AGAP1: variants seen among roughly 807,000 people sequenced by gnomAD.
AGAP1 encodes the protein ArfGAP with GTPase domain, ankyrin repeat and PH domain 1.
In AGAP1, 29 loss-of-function variants were observed where a neutral mutation model predicts 105.3. That is an observed-to-expected ratio of 0.28 (90% CI 0.21 to 0.38). The LOEUF is 0.38. AGAP1 is among the 10% of genes least tolerant of loss of function. AGAP1 has a pLI of 1.00. For synonymous variants in AGAP1, 509 were observed against 485.9 expected, an observed-to-expected ratio of 1.05 and a Z score of -0.63; for missense variants, 998 against 1,165.1, an observed-to-expected ratio of 0.86 and a Z score of 2.09.
Position 235,620,278 on chromosome 2 carries a change from T to A in AGAP1, c.164-88901T>A, listed in dbSNP as rs1474352270. Among the ~76,000 whole-genome samples, 1 of 152,122 alleles carries A rather than the reference T, an allele frequency of 6.6e-6. No homozygotes were observed. The stretch of plus-strand genomic sequence containing the variant: ...CCTGGTCCCGGGCAGCAGCGTTGCT[T>A]GGCGGATTACTGCTCACCTCTTCAA... On this transcript the variant is annotated intron_variant, in intron 1 of 17. Transcript: ENST00000304032. The surrounding 1 kb of genome is among the most constrained non-coding windows in gnomAD (Gnocchi z 4.5).
chr2:235,862,497 T>G (rs1243389648), intron 9 of AGAP1, among the ~76,000 whole-genome samples: 2 of 152,050 alleles, frequency 1.3e-5, no homozygotes. Context: ...CTGCGTGGAG[T>G]GCTGTGTTGA....
intron 1 of AGAP1, among the ~76,000 whole-genome samples, chr2:235,598,050 G>T (rs112275153): frequency 3.5e-5 from 4 of 114,752 alleles, no homozygotes; most frequent in African/African-American, 3.9e-5. Flanking sequence ...ACGCGCTCCC[G>T]TGTTTCCTTT....
chr2:236,059,957 G>A (rs1207614882), intron 16 of AGAP1, among the ~76,000 whole-genome samples: 1 of 152,160 alleles, frequency 6.6e-6, no homozygotes, highest in Admixed American at 6.5e-5. Flanking sequence ...TGGGCATGGT[G>A]GCATGCACCT....
chr2:235,928,167 C>T (rs769548247), intron 11 of AGAP1, among the ~76,000 whole-genome samples: 1 of 152,184 alleles, frequency 6.6e-6, no homozygotes, highest in East Asian at 1.9e-4. Flanking sequence ...GGAGTCCTTT[C>T]GCCCACCATA....
In AGAP1 at chr2:235,712,749, T is replaced by G. The variant is rs571344908; in HGVS notation, c.222+3512T>G. 2.6e-5 allele frequency among the ~76,000 whole-genome samples: 4 copies of G among 152,310 alleles called. No homozygotes were observed. Among genetic ancestry groups the G allele is most frequent in the Non-Finnish European group, 1.5e-5 (1 of 68,036 alleles). ...AGTGGCAACCTCTTCCTGCCTTAAG[T>G]ACGTAGTTCTGTGATTTTCAAGACA... On this transcript the variant is annotated intron_variant, in intron 2 of 17. Transcript: ENST00000304032. The surrounding 1 kb of genome is among the most constrained non-coding windows in gnomAD (Gnocchi z 6.0).
chr2:235,701,175 A>T lies in AGAP1; in HGVS notation c.164-8004A>T, dbSNP rs1950241825. Among the ~76,000 whole-genome samples the T allele has an allele frequency of 6.6e-6, 1 of 150,600 alleles. No homozygotes were observed. The highest frequency in any genetic ancestry group is 1.5e-5 in the Non-Finnish European group (1 of 67,784). On this transcript the variant is annotated intron_variant, in intron 1 of 17. Transcript: ENST00000304032. The surrounding 1 kb of genome is among the most constrained non-coding windows in gnomAD (Gnocchi z 4.1). ...TTTAGTGTATATTTTATATATTTAT[A>T]TATATGGGGGGGTGGAAATCACTAT...
intron 16 of AGAP1, among the ~76,000 whole-genome samples, chr2:236,084,631 G>A (rs7564685): frequency 0.23 from 35,477 of 152,078 alleles, 4,388 homozygotes; most frequent in South Asian, 0.34. Context: ...TGCCGGGCAC[G>A]GTAGCTCATG....
intron 10 of AGAP1, among the ~76,000 whole-genome samples, chr2:235,894,634 T>TACACACACATACAC (rs1382516784): frequency 0.087 from 2,100 of 24,248 alleles, 35 homozygotes; most frequent in South Asian, 0.47. Flanking sequence ...CATGCACATG[T>TACACACACATACAC]ACACACACAC....
At chr2:235,785,463 T>C (rs114871940) in intron 6 of AGAP1, among the ~76,000 whole-genome samples, 1 of 152,390 alleles carries the variant, frequency 6.6e-6, no homozygotes, top group African/African-American at 2.4e-5. Flanking sequence ...ACTTTTGGCC[T>C]TTACGTCTTA....
chr2:235,948,045 G>T (rs1277256631), intron 12 of AGAP1, among the ~76,000 whole-genome samples: 1 of 151,428 alleles, frequency 6.6e-6, no homozygotes, highest in Non-Finnish European at 1.5e-5. Flanking sequence ...GCAGGTGTCC[G>T]CATGAAGGCC....
At chr2:235,682,544 C>G (rs142201403) in intron 1 of AGAP1, among the ~76,000 whole-genome samples, 1 of 151,820 alleles carries the variant, frequency 6.6e-6, no homozygotes, top group Non-Finnish European at 1.5e-5. Context: ...GGGGTTTTGC[C>G]ATGTTGGCCA....
In AGAP1 at chr2:235,597,112, G is replaced by GT. The variant is rs1945551030; in HGVS notation, c.163+102265dup. 1.1e-4 allele frequency among the ~76,000 whole-genome samples: 16 copies of GT among 152,336 alleles called. No homozygotes were observed. The South Asian group carries it at 3.3e-3, about 32-fold the overall frequency. ...AGCCAGATTAAGGGAGATCAAAAGA[G>GT]TTAAGGTTCCAGACTCCAGCTCCTG... On this transcript the variant is annotated intron_variant, in intron 1 of 17. Coordinates refer to ENST00000304032, the MANE Select transcript of AGAP1 (RefSeq NM_001037131.3).
chr2:235,731,607 G>A (rs1951950815), intron 3 of AGAP1, among the ~76,000 whole-genome samples: 1 of 152,168 alleles, frequency 6.6e-6, no homozygotes, highest in African/African-American at 2.4e-5. Flanking sequence ...CATTGAATTA[G>A]CGTTTCAGAG....
At position 235,908,705 on chromosome 2, in the gene AGAP1, TTA is replaced by T. The variant is rs2051427324; in HGVS notation, c.1156-31_1156-30del. On this transcript the variant is annotated intron_variant, in intron 10 of 17. Coordinates refer to ENST00000304032, the MANE Select transcript of AGAP1 (RefSeq NM_001037131.3). The surrounding 1 kb of genome is among the most constrained non-coding windows in gnomAD (Gnocchi z 4.4). ...GTTGTAAAAGGTCTTTTTTTTTTTTTTATCTCTCTTGGATGTTTAACATTTTC... is the reference window on the plus strand; with the variant it reads ...GTTGTAAAAGGTCTTTTTTTTTTTTTTCTCTCTTGGATGTTTAACATTTTC... 6.5e-7 allele frequency: 1 copy of T among 1,534,254 alleles called. No homozygotes were observed. Among genetic ancestry groups the T allele is most frequent in the Non-Finnish European group, 8.8e-7 (1 of 1,139,996 alleles).
At chr2:235,597,340 CG>C (rs1303519861) in intron 1 of AGAP1, among the ~76,000 whole-genome samples, 7 of 152,310 alleles carry the variant, frequency 4.6e-5, no homozygotes, top group Non-Finnish European at 8.8e-5. Context: ...GAGATGAGGA[CG>C]GGGCTTGCTT....
At position 235,750,119 on chromosome 2, in the gene AGAP1, T is replaced by C. The variant is rs1489072049; in HGVS notation, c.539-235T>C. Among the ~76,000 whole-genome samples, 4 of 152,212 alleles carry C rather than the reference T, an allele frequency of 2.6e-5. No individual in the cohort carries two copies. The highest frequency in any genetic ancestry group is 5.9e-5 in the Non-Finnish European group (4 of 68,044). ...AAGTCTTTTTCCTTCTTTCTGAACA[T>C]TTTAAAATTGCAGTTTCAGAAGCGC... On this transcript the variant is annotated intron_variant, in intron 5 of 17. Transcript: ENST00000304032. The surrounding 1 kb of genome is among the most constrained non-coding windows in gnomAD (Gnocchi z 5.3).
At chr2:235,534,896 C>T (rs1943160824) in intron 1 of AGAP1, among the ~76,000 whole-genome samples, 1 of 152,040 alleles carries the variant, frequency 6.6e-6, no homozygotes, top group Non-Finnish European at 1.5e-5. Flanking sequence ...CTTTAGGGGT[C>T]CTTGGATGAG....
chr2:235,584,635 GCACGGCCCTGCAGA>G (rs1341954016), intron 1 of AGAP1, among the ~76,000 whole-genome samples: 1 of 151,766 alleles, frequency 6.6e-6, no homozygotes, highest in African/African-American at 2.4e-5. Context: ...TTCATAAGGA[GCACGGCCCTGCAGA>G]CACCTTGATT....
At position 235,814,288 on chromosome 2, in the gene AGAP1, G is replaced by C. The variant is rs141776421; in HGVS notation, c.1050+6957G>C. On this transcript the variant is annotated intron_variant, in intron 9 of 17. Transcript: ENST00000304032. ...CCCATTTCACCGGGATAATATCTAA[G>C]TGATTTGTTTCAGCAAAATAGTGCT... Among the ~76,000 whole-genome samples, 67 of 152,300 alleles carry C rather than the reference G, an allele frequency of 4.4e-4. 1 individual carries two copies. In the East Asian group the frequency reaches 0.012, roughly 27 times the overall value.
Sources: allele counts gnomAD v4.1 joint callset (sites outside exome capture counted in the v4.1 genomes callset), GRCh38; gene constraint gnomAD v4.1.1; non-coding constraint Gnocchi (gnomAD v3.1); transcripts MANE v1.5; gene names NCBI Gene and HGNC (gene_info 2026-07-23, HGNC 2026-07-21).